Variants in ITPKC observed in about 807,000 individuals in gnomAD.
ITPKC encodes IP3 3-kinase C.
In ITPKC, 33 loss-of-function variants were observed where a neutral mutation model predicts 67.1. That is an observed-to-expected ratio of 0.49 (90% CI 0.37 to 0.66). ITPKC has a LOEUF of 0.66. ITPKC is among the 30% of genes least tolerant of loss of function. The pLI, the probability that ITPKC is intolerant of heterozygous loss-of-function variation, is 0.00. For synonymous variants in ITPKC, 341 were observed against 359.8 expected (o/e 0.95, Z 0.59); for missense variants, 820 against 892.1 (o/e 0.92, Z 1.03).
rs547260110 is a variant in ITPKC, at chr19:40,740,651, G to A, written c.*1091G>A. On this transcript the variant is annotated 3_prime_UTR_variant, in exon 7 of 7. Transcript: ENST00000263370. ...TCCTGGCCCTTGAGGCTGGGCTGGCGGACAGGCACCTACCTCTTCCTTAAG... is the reference window on the plus strand; with the variant it reads ...TCCTGGCCCTTGAGGCTGGGCTGGCAGACAGGCACCTACCTCTTCCTTAAG... 23 of 283,766 alleles carry A rather than the reference G, an allele frequency of 8.1e-5. No homozygotes were observed. Among genetic ancestry groups the A allele is most frequent in the African/African-American group, 2.8e-4 (13 of 46,066 alleles). 17.6% of individuals were successfully genotyped at this position (283,766 alleles called of 1,614,324 possible). A position where few individuals can be genotyped will look rare whatever the true frequency, so the allele number is the denominator to read the frequency against.
At chr19:40,728,122 C>T (rs1441834415) in intron 2 of ITPKC, among the ~76,000 whole-genome samples, 1 of 152,190 alleles carries the variant, frequency 6.6e-6, no homozygotes, top group Non-Finnish European at 1.5e-5. Context: ...ATAATCACAG[C>T]ACTTTGGGAG....
chr19:40,731,685 C>T (rs2082272054), intron 3 of ITPKC, among the ~76,000 whole-genome samples: 1 of 146,864 alleles, frequency 6.8e-6, no homozygotes, highest in Admixed American at 7.0e-5. Flanking sequence ...GCCTTGGCCT[C>T]CCAAAGTGCT....
intron 1 of ITPKC, among the ~76,000 whole-genome samples, chr19:40,718,881 G>A (rs1424418174): frequency 6.6e-6 from 1 of 152,172 alleles, no homozygotes; most frequent in Non-Finnish European, 1.5e-5. Context: ...CTAGCCGGGA[G>A]CCCACCTGGT....
At chr19:40,724,906 C>T (rs1033640621) in intron 1 of ITPKC, among the ~76,000 whole-genome samples, 4 of 150,096 alleles carry the variant, frequency 2.7e-5, no homozygotes, top group Non-Finnish European at 4.4e-5. Context: ...CAAGATCATA[C>T]CACTGCACTC....
rs931683057 is a variant in ITPKC, at chr19:40,740,564, A to T, written c.*1004A>T. On this transcript the variant is annotated 3_prime_UTR_variant, in exon 7 of 7. Coordinates refer to ENST00000263370, the MANE Select transcript of ITPKC (RefSeq NM_025194.3). ...GACCCTGGCCTGCAGCCTGATCCAA[A>T]CCAAAGACTGTAGAACCCTGGGGTG... 9.5e-6 allele frequency: 2 copies of T among 209,884 alleles called. No individual in the cohort carries two copies. Among genetic ancestry groups the T allele is most frequent in the Non-Finnish European group, 1.9e-5 (2 of 105,126 alleles). The allele number at this position is 209,884 out of a possible 1,614,324, so 13.0% of individuals were successfully genotyped here.
chr19:40,733,150 G>A lies in ITPKC; in HGVS notation c.1470-10G>A. ...CATAATTTCCTTTGTCACATCCTCT[G>A]TGTGCTCAGGACCTATCTGGAAGAG... On this transcript the variant is annotated splice_polypyrimidine_tract_variant and intron_variant, in intron 3 of 6. Coordinates refer to ENST00000263370, the MANE Select transcript of ITPKC (RefSeq NM_025194.3). 1 of 1,613,022 alleles carries A rather than the reference G, an allele frequency of 6.2e-7. No homozygotes were observed. Among genetic ancestry groups the A allele is most frequent in the Non-Finnish European group, 8.5e-7 (1 of 1,179,042 alleles).
intron 1 of ITPKC, among the ~76,000 whole-genome samples, chr19:40,720,618 G>A (rs985877683): frequency 6.6e-6 from 1 of 152,002 alleles, no homozygotes; most frequent in African/African-American, 2.4e-5. Context: ...TGTCTGCTCA[G>A]GTGCCCTCTC....
intron 2 of ITPKC, among the ~76,000 whole-genome samples, chr19:40,728,204 C>G (rs917308604): frequency 6.6e-6 from 1 of 151,834 alleles, no homozygotes. Flanking sequence ...ACTACCCCAA[C>G]CCGACATTAC....
Position 40,729,200 on chromosome 19 carries a change from A to G in ITPKC, c.1256-2A>G, listed in dbSNP as rs867628325. The G allele has an allele frequency of 6.2e-7, 1 of 1,613,022 alleles. No individual in the cohort carries two copies. The stretch of plus-strand genomic sequence containing the variant: ...TCCTCTCATTTATTCTACCACCTTT[A>G]GGGAACTTCCAGGCAGGAGAGGATG... On this transcript the variant is annotated splice_acceptor_variant, in intron 2 of 6. Transcript: ENST00000263370. LOFTEE classifies it high-confidence loss of function.
Position 40,725,445 on chromosome 19 carries a change from TG to T in ITPKC, c.1255+10del. 6.3e-7 allele frequency: 1 copy of T among 1,586,438 alleles called. No individual in the cohort carries two copies. On this transcript the variant is annotated splice_region_variant and intron_variant, in intron 2 of 6. Transcript: ENST00000263370. Reference sequence around the variant, plus strand: ...CCAGCTTTCTGGACATGCTGGTAAGTGGGGTGGTGGTGGACAGAGCTGGGCA... The same window carrying T: ...CCAGCTTTCTGGACATGCTGGTAAGTGGGTGGTGGTGGACAGAGCTGGGCA...
At chr19:40,736,961 T>G (rs777489952) in intron 4 of ITPKC, 25 bp from the exon 5 acceptor site, 1 of 1,487,948 alleles carries the variant, frequency 6.7e-7, no homozygotes, top group Non-Finnish European at 9.2e-7. Context: ...CCCATGACCC[T>G]GCCCCTCCAC....
At chr19:40,719,159 G>A (rs1313515559) in intron 1 of ITPKC, among the ~76,000 whole-genome samples, 2 of 152,152 alleles carry the variant, frequency 1.3e-5, no homozygotes, top group Non-Finnish European at 1.5e-5. Context: ...GGGGCCCCTG[G>A]CTGGAGTCTG....
intron 1 of ITPKC, among the ~76,000 whole-genome samples, chr19:40,723,653 C>T (rs375376309): frequency 2.0e-4 from 30 of 152,118 alleles, no homozygotes; most frequent in Non-Finnish European, 2.9e-4. Flanking sequence ...TGTATCACCA[C>T]GCCCGGCTAA....
intron 1 of ITPKC, among the ~76,000 whole-genome samples, chr19:40,720,562 C>T (rs2082217261): frequency 6.6e-6 from 1 of 151,850 alleles, no homozygotes; most frequent in South Asian, 2.1e-4. Flanking sequence ...TCCCTATCTC[C>T]AGTTTTTTTC....
At chr19:40,736,160 G>A (rs1055555340) in intron 4 of ITPKC, among the ~76,000 whole-genome samples, 3 of 152,032 alleles carry the variant, frequency 2.0e-5, no homozygotes, top group Non-Finnish European at 2.9e-5. Context: ...GCGTGGTGGC[G>A]GGAGCCTGTA....
chr19:40,737,066 G>A lies in ITPKC; in HGVS notation c.1755G>A (p.Val585=), dbSNP rs200897657. The change falls in exon 5 of 7, where the codon GTG becomes GTA. Residue 585 remains valine (V), a synonymous_variant. Transcript: ENST00000263370. The part of the protein sequence containing the change: ...EQVTKVLEDF[V]DGDHVILQKY... ...TGACAAAAGTGCTGGAGGACTTCGT[G>A]GATGGAGACCACGTCATCCTGGTGA... is the stretch of plus-strand genomic sequence containing the variant. 5 of 1,582,402 alleles carry A rather than the reference G, an allele frequency of 3.2e-6. No homozygotes were observed. Among genetic ancestry groups the A allele is most frequent in the East Asian group, 2.3e-5 (1 of 43,392 alleles).
chr19:40,727,457 G>A (rs928927911), intron 2 of ITPKC, among the ~76,000 whole-genome samples: 1 of 152,184 alleles, frequency 6.6e-6, no homozygotes, highest in Non-Finnish European at 1.5e-5. Context: ...ATTGACCTCA[G>A]AAGTTTTGGG....
chr19:40,720,866 C>T (rs2090343337), intron 1 of ITPKC, among the ~76,000 whole-genome samples: 2 of 152,286 alleles, frequency 1.3e-5, no homozygotes, highest in South Asian at 4.1e-4. Context: ...ACCGTAAAGG[C>T]TCAGCTTCCT....
intron 4 of ITPKC, among the ~76,000 whole-genome samples, chr19:40,736,158 G>A (rs931104768): frequency 6.6e-6 from 1 of 152,108 alleles, no homozygotes; most frequent in Non-Finnish European, 1.5e-5. Context: ...AGGCGTGGTG[G>A]CGGGAGCCTG....
Sources: allele counts gnomAD v4.1 joint callset (sites outside exome capture counted in the v4.1 genomes callset), GRCh38; gene constraint gnomAD v4.1.1; transcripts MANE v1.5; gene names NCBI Gene and HGNC (gene_info 2026-07-23, HGNC 2026-07-21).